The following KCNAB1 variants were observed in gnomAD, a reference collection of about 807,000 sequenced individuals.
The protein encoded by KCNAB1 is potassium voltage-gated channel subfamily A regulatory beta subunit 1, also known as voltage-gated potassium channel subunit beta-1.
KCNAB1 carries 35 observed loss-of-function variants against 64.6 expected under a neutral mutation model. The observed-to-expected ratio is 0.54, with a 90% CI of 0.41 to 0.72. The LOEUF is 0.72. Among genes scored for constraint, KCNAB1 ranks in the 30% least tolerant of loss-of-function variants. The probability of loss-of-function intolerance (pLI) is 0.00; values close to 1 mark genes in which losing one functional copy is unlikely to be tolerated. For synonymous variants in KCNAB1, 177 were observed against 183.8 expected (o/e 0.96, Z 0.30); for missense variants, 401 against 512.9 (o/e 0.78, Z 2.11).
intron 12 of KCNAB1, among the ~76,000 whole-genome samples, chr3:156,527,480 A>G (rs55987749): frequency 0.02 from 3,080 of 152,292 alleles, 44 homozygotes; most frequent in Non-Finnish European, 0.032. Context: ...GCACAATCAT[A>G]TATGGTTTTT....
At chr3:156,256,470 G>A (rs1718107506) in intron 1 of KCNAB1, among the ~76,000 whole-genome samples, 3 of 152,186 alleles carry the variant, frequency 2.0e-5, no homozygotes, top group Admixed American at 2.0e-4. Context: ...ACTGTGCAGT[G>A]CTTTTAATGG....
intron 1 of KCNAB1, among the ~76,000 whole-genome samples, chr3:156,197,977 G>A (rs758946276): frequency 2.6e-5 from 4 of 152,104 alleles, no homozygotes; most frequent in African/African-American, 9.7e-5. Context: ...CAGAGATTCT[G>A]GTACATTGTG....
At chr3:156,354,065 GTGTGTGTGTA>G (rs1725044047) in intron 1 of KCNAB1, among the ~76,000 whole-genome samples, 1 of 147,970 alleles carries the variant, frequency 6.8e-6, no homozygotes, top group African/African-American at 2.5e-5. Context: ...GTGTGTGTGT[GTGTGTGTGTA>G]TATATGTGTG....
chr3:156,393,844 T>A (rs1450105), intron 1 of KCNAB1, among the ~76,000 whole-genome samples: 21,970 of 152,244 alleles, frequency 0.14, 1,884 homozygotes, highest in Middle Eastern at 0.21. Context: ...GGAACCTGTC[T>A]TAAATTGCCA....
chr3:156,405,216 A>C (rs77801741), intron 1 of KCNAB1, among the ~76,000 whole-genome samples: 4,972 of 152,276 alleles, frequency 0.033, 137 homozygotes, highest in African/African-American at 0.072. Context: ...CATTTGTCCA[A>C]ACCCTGAGAA....
At chr3:156,340,674 A>C (rs1343251215) in intron 1 of KCNAB1, among the ~76,000 whole-genome samples, 1 of 152,216 alleles carries the variant, frequency 6.6e-6, no homozygotes, top group Non-Finnish European at 1.5e-5. Flanking sequence ...TGAAATAAAC[A>C]GCCAATGTAG....
intron 1 of KCNAB1, among the ~76,000 whole-genome samples, chr3:156,168,699 CTAGTGATGCTG>C (rs1239452359): frequency 6.6e-6 from 1 of 152,164 alleles, no homozygotes; most frequent in African/African-American, 2.4e-5. Context: ...GCACATGAAG[CTAGTGATGCTG>C]TTGAGAAATC....
chr3:156,397,255 A>T (rs114057530), intron 1 of KCNAB1, among the ~76,000 whole-genome samples: 109 of 152,320 alleles, frequency 7.2e-4, no homozygotes, highest in African/African-American at 2.4e-3. Flanking sequence ...TCCTCTAAAA[A>T]ATGGGGGAGA....
chr3:156,286,612 TAA>T (rs1470109862), intron 1 of KCNAB1, among the ~76,000 whole-genome samples: 4 of 152,356 alleles, frequency 2.6e-5, no homozygotes, highest in African/African-American at 9.6e-5. Context: ...GCAACAGGAA[TAA>T]ATTATCGTGA....
At chr3:156,309,026 C>G (rs1425440882) in intron 1 of KCNAB1, among the ~76,000 whole-genome samples, 2 of 152,036 alleles carry the variant, frequency 1.3e-5, no homozygotes, top group Non-Finnish European at 2.9e-5. Flanking sequence ...TATTTTTCTG[C>G]TTTTTCTTCT....
At chr3:156,207,327 T>C (rs1714732348) in intron 1 of KCNAB1, among the ~76,000 whole-genome samples, 1 of 152,246 alleles carries the variant, frequency 6.6e-6, no homozygotes, top group Non-Finnish European at 1.5e-5. Context: ...AGGCTGACTC[T>C]GTCTCTTGAC....
intron 12 of KCNAB1, 120 bp downstream of exon 12, chr3:156,524,067 A>G: frequency 2.1e-6 from 2 of 974,176 alleles, no homozygotes; most frequent in Non-Finnish European, 2.9e-6. Flanking sequence ...TGATCTCTGA[A>G]GCATAAACTC....
intron 1 of KCNAB1, among the ~76,000 whole-genome samples, chr3:156,372,357 T>A (rs192982525): frequency 6.6e-6 from 1 of 152,368 alleles, no homozygotes; most frequent in Admixed American, 6.5e-5. Flanking sequence ...GATAATATTA[T>A]TCACCTCATA....
At chr3:156,285,425 G>A (rs1720045124) in intron 1 of KCNAB1, among the ~76,000 whole-genome samples, 1 of 151,958 alleles carries the variant, frequency 6.6e-6, no homozygotes, top group African/African-American at 2.4e-5. Context: ...TCAGTGCTAT[G>A]TCCAGGTTCC....
chr3:156,166,552 C>CACAG (rs1439227130), intron 1 of KCNAB1, among the ~76,000 whole-genome samples: 1 of 152,052 alleles, frequency 6.6e-6, no homozygotes, highest in Non-Finnish European at 1.5e-5. Context: ...CACACACACA[C>CACAG]ACAGATAGGC....
chr3:156,484,384 G>A (rs1715051165), intron 8 of KCNAB1, among the ~76,000 whole-genome samples: 1 of 151,998 alleles, frequency 6.6e-6, no homozygotes, highest in South Asian at 2.1e-4. Flanking sequence ...AGAGAGAGAG[G>A]GAGAACAGAG....
intron 1 of KCNAB1, among the ~76,000 whole-genome samples, chr3:156,171,453 G>C (rs1205169528): frequency 6.6e-6 from 1 of 152,156 alleles, no homozygotes; most frequent in Admixed American, 6.5e-5. Flanking sequence ...CAGAGTGCTT[G>C]AAAGAATTTC....
chr3:156,345,593 A>G (rs1035431242), intron 1 of KCNAB1, among the ~76,000 whole-genome samples: 19 of 152,254 alleles, frequency 1.2e-4, no homozygotes, highest in African/African-American at 4.6e-4. Flanking sequence ...AAGTTAGCCC[A>G]TGTGCTATAG....
chr3:156,294,016 A>T (rs1440108100), intron 1 of KCNAB1, among the ~76,000 whole-genome samples: 1 of 152,244 alleles, frequency 6.6e-6, no homozygotes, highest in Non-Finnish European at 1.5e-5. Context: ...ATCAGAAGAA[A>T]TCAAAAGTAA....
Sources: allele counts gnomAD v4.1 joint callset (sites outside exome capture counted in the v4.1 genomes callset), GRCh38; gene constraint gnomAD v4.1.1; transcripts MANE v1.5; gene names NCBI Gene and HGNC (gene_info 2026-07-23, HGNC 2026-07-21).